PTPRS: variants seen among roughly 807,000 people sequenced by gnomAD.
PTPRS encodes receptor-type tyrosine-protein phosphatase S.
PTPRS carries 63 observed loss-of-function variants against 215.3 expected under a neutral mutation model. The observed-to-expected ratio is 0.29, with a 90% CI of 0.24 to 0.36. PTPRS has a LOEUF of 0.36. PTPRS is among the 10% of genes least tolerant of loss of function. PTPRS has a pLI of 1.00. For synonymous variants in PTPRS, 1,404 were observed against 1,191.4 expected (o/e 1.18, Z -3.68); for missense variants, 2,258 against 2,825.8 (o/e 0.80, Z 4.56).
At chr19:5,272,486 T>A (rs1454553230) in intron 4 of PTPRS, among the ~76,000 whole-genome samples, 1 of 150,772 alleles carries the variant, frequency 6.6e-6, no homozygotes, top group Non-Finnish European at 1.5e-5. Flanking sequence ...TAATCCCAGC[T>A]ACTTGGGAGG....
intron 4 of PTPRS, among the ~76,000 whole-genome samples, chr19:5,269,398 C>T (rs137879521): frequency 1.1e-4 from 17 of 152,096 alleles, no homozygotes; most frequent in Non-Finnish European, 1.9e-4. Flanking sequence ...GTGCAGGAGG[C>T]GTGTGTGGGG....
At chr19:5,213,956 T>G (rs1178575522) in intron 30 of PTPRS, among the ~76,000 whole-genome samples, 1 of 152,256 alleles carries the variant, frequency 6.6e-6, no homozygotes, top group African/African-American at 2.4e-5. Flanking sequence ...GTCCTGACTT[T>G]GCAGGGCTGC....
chr19:5,328,660 G>C (rs1251572632), intron 1 of PTPRS, among the ~76,000 whole-genome samples: 1 of 152,142 alleles, frequency 6.6e-6, no homozygotes, highest in Non-Finnish European at 1.5e-5. Context: ...CAAGGGCAGA[G>C]TGAGCTGAGC....
At chr19:5,316,435 G>A (rs998262217) in intron 1 of PTPRS, among the ~76,000 whole-genome samples, 1 of 151,696 alleles carries the variant, frequency 6.6e-6, no homozygotes, top group African/African-American at 2.4e-5. Flanking sequence ...CTCTGTCACC[G>A]AGGCTGGAGT....
intron 1 of PTPRS, among the ~76,000 whole-genome samples, chr19:5,327,148 C>T (rs748417334): frequency 2.0e-5 from 3 of 152,208 alleles, no homozygotes; most frequent in East Asian, 1.9e-4. Flanking sequence ...CGTAGGTGCC[C>T]GCCAATCTGC....
chr19:5,228,888 G>A (rs2042753096), intron 16 of PTPRS, among the ~76,000 whole-genome samples: 2 of 152,226 alleles, frequency 1.3e-5, no homozygotes, highest in Admixed American at 1.3e-4. Context: ...CATATCCAGA[G>A]AGAGGCATTT....
Position 5,218,717 on chromosome 19 carries a change from C to G in PTPRS, c.3935+70G>C, listed in dbSNP as rs1344282540. 17 of 1,583,160 alleles carry G rather than the reference C, an allele frequency of 1.1e-5. No individual in the cohort carries two copies. The East Asian group carries it at 3.8e-4, about 35-fold the overall frequency. On this transcript the variant is annotated intron_variant, in intron 24 of 37. Transcript: ENST00000262963. ...AGCCGGGCATCCCCTCTCCTGTGGGCACACTATCAGCCCATTCCCTGTCCT... is the reference window on the plus strand; with the variant it reads ...AGCCGGGCATCCCCTCTCCTGTGGGGACACTATCAGCCCATTCCCTGTCCT...
intron 13 of PTPRS, among the ~76,000 whole-genome samples, chr19:5,232,957 T>C (rs1316676497): frequency 7.2e-6 from 1 of 139,812 alleles, no homozygotes. Context: ...AGTATGTGCC[T>C]GGCGCCATGC....
intron 1 of PTPRS, among the ~76,000 whole-genome samples, chr19:5,301,226 C>T (rs917539147): frequency 4.0e-5 from 6 of 151,628 alleles, no homozygotes; most frequent in African/African-American, 9.7e-5. Flanking sequence ...ACAGAATGGC[C>T]GGTCCCCCCG....
Position 5,256,013 on chromosome 19 carries a change from C to T in PTPRS, c.718+95G>A, listed in dbSNP as rs143232033. 426 of 1,029,716 alleles carry T rather than the reference C, an allele frequency of 4.1e-4. No individual in the cohort carries two copies. The East Asian group carries it at 4.3e-3, about 10-fold the overall frequency. 63.8% of individuals were successfully genotyped at this position (1,029,716 alleles called of 1,614,324 possible). ...TTCCGTGTGTGTGTCAGCGTGTGTCCGTGTGGTGTCTACATGTGTTTTGTG... is the reference window on the plus strand; with the variant it reads ...TTCCGTGTGTGTGTCAGCGTGTGTCTGTGTGGTGTCTACATGTGTTTTGTG... On this transcript the variant is annotated intron_variant, in intron 9 of 37. Transcript: ENST00000262963.
At chr19:5,289,887 G>A (rs1341978001) in intron 1 of PTPRS, among the ~76,000 whole-genome samples, 1 of 152,216 alleles carries the variant, frequency 6.6e-6, no homozygotes, top group East Asian at 1.9e-4. Flanking sequence ...CGTGGCCCTG[G>A]GCAGGGAGGG....
At chr19:5,301,192 C>G (rs2049291370) in intron 1 of PTPRS, among the ~76,000 whole-genome samples, 1 of 152,180 alleles carries the variant, frequency 6.6e-6, no homozygotes, top group South Asian at 2.1e-4. Flanking sequence ...GCTGACTCAG[C>G]CAAAAGTGGA....
chr19:5,225,535 A>C (rs1599493148), intron 17 of PTPRS, among the ~76,000 whole-genome samples, 192 bp downstream of exon 17: 2 of 114,330 alleles, frequency 1.7e-5, no homozygotes, highest in South Asian at 5.3e-4. Context: ...ACAAAGGAGG[A>C]GGCAGGGGCG....
chr19:5,237,685 G>A lies in PTPRS; in HGVS notation c.1849+1234C>T, dbSNP rs1423105636. On this transcript the variant is annotated intron_variant, in intron 13 of 37. Transcript: ENST00000262963. The surrounding 1 kb of genome is among the most constrained non-coding windows in gnomAD (Gnocchi z 4.2). Reference sequence around the variant, plus strand: ...TTTTGTGAACCTGCTTGAGACCAGCGTGTACTCACCTTCAGGACACCTCAG... The same window carrying A: ...TTTTGTGAACCTGCTTGAGACCAGCATGTACTCACCTTCAGGACACCTCAG... 4.6e-5 allele frequency among the ~76,000 whole-genome samples: 7 copies of A among 152,112 alleles called. No homozygotes were observed. Among genetic ancestry groups the A allele is most frequent in the East Asian group, 1.9e-4 (1 of 5,170 alleles).
At chr19:5,280,721 C>CCAAAA (rs916600041) in intron 2 of PTPRS, among the ~76,000 whole-genome samples, 28 of 151,938 alleles carry the variant, frequency 1.8e-4, no homozygotes, top group South Asian at 2.1e-4. Context: ...AACTCTGTCT[C>CCAAAA]CAAAACAAAA....
At chr19:5,312,148 G>A (rs1468733860) in intron 1 of PTPRS, among the ~76,000 whole-genome samples, 1 of 152,130 alleles carries the variant, frequency 6.6e-6, no homozygotes, top group South Asian at 2.1e-4. Flanking sequence ...GAAAGCAAAA[G>A]AGAGAGACAA....
chr19:5,258,268 G>C, intron 7 of PTPRS, 141 bp from the exon 8 acceptor site: 3 of 685,908 alleles, frequency 4.4e-6, no homozygotes, highest in Non-Finnish European at 7.5e-6. Context: ...AGAAAACCTG[G>C]AAGCCCTAGC....
At chr19:5,248,180 T>A (rs1395656050) in intron 9 of PTPRS, among the ~76,000 whole-genome samples, 1 of 151,868 alleles carries the variant, frequency 6.6e-6, no homozygotes, top group Non-Finnish European at 1.5e-5. Context: ...GGCTGAGTTG[T>A]CATGGAAACA....
intron 1 of PTPRS, among the ~76,000 whole-genome samples, chr19:5,332,408 GT>G (rs2050356531): frequency 1.3e-5 from 2 of 152,176 alleles, no homozygotes; most frequent in Non-Finnish European, 2.9e-5. Flanking sequence ...GATTACAGGC[GT>G]GAGCCATCAT....
Sources: gnomAD v4.1 joint callset for allele counts (sites outside exome capture counted in the v4.1 genomes callset) on GRCh38, gnomAD v4.1.1 for gene constraint, Gnocchi (gnomAD v3.1) non-coding constraint, MANE v1.5 for transcripts, NCBI Gene and HGNC (gene_info 2026-07-23, HGNC 2026-07-21) for gene names.